The following TIAM1 variants were observed in gnomAD, a reference collection of about 807,000 sequenced individuals.
The protein encoded by TIAM1 is TIAM Rac1 associated GEF 1, also known as rho guanine nucleotide exchange factor TIAM1.
A neutral mutation model predicts 163.5 loss-of-function variants in TIAM1; 65 were observed. That is an observed-to-expected ratio of 0.40 (90% CI 0.33 to 0.49). The LOEUF (loss-of-function observed/expected upper bound fraction) is 0.49. Ranked by LOEUF, TIAM1 falls within the 20% of genes least tolerant of loss-of-function variation. TIAM1 has a pLI of 0.77. For missense variants in TIAM1, 1,789 were observed against 2,044.7 expected, an observed-to-expected ratio of 0.87 and a Z score of 2.41; for synonymous variants, 833 against 810.1, an observed-to-expected ratio of 1.03 and a Z score of -0.48.
chr21:31,502,541 C>T (rs998152222), intron 1 of TIAM1, among the ~76,000 whole-genome samples: 2 of 152,026 alleles, frequency 1.3e-5, no homozygotes, highest in African/African-American at 4.8e-5. Context: ...TGGGTCAGCA[C>T]CAAGCATGAG....
chr21:31,398,992 A>T (rs1444051534), intron 2 of TIAM1, among the ~76,000 whole-genome samples: 3 of 152,214 alleles, frequency 2.0e-5, no homozygotes, highest in Admixed American at 6.5e-5. Context: ...CTTAGCCAAC[A>T]TGGAGAAACC....
intron 22 of TIAM1, among the ~76,000 whole-genome samples, chr21:31,137,390 T>C (rs908852342): frequency 2.0e-5 from 3 of 152,162 alleles, no homozygotes; most frequent in African/African-American, 7.2e-5. Context: ...TAAGCAGCCA[T>C]ATTATTTTGT....
At chr21:31,529,908 G>A (rs111775968) in intron 1 of TIAM1, among the ~76,000 whole-genome samples, 12 of 152,230 alleles carry the variant, frequency 7.9e-5, no homozygotes, top group African/African-American at 1.9e-4. Context: ...TCATCTCCGC[G>A]GAAGTGTCAT....
rs1228604729 is a variant in TIAM1, at chr21:31,266,190, C to T, written c.783G>A (p.Val261=). ...GGTTTGCAAGATTGGGAATATCAGA[C>T]ACCAAATTCCGACAGTAGCCTGCAA... The part of the protein sequence containing the change: ...SKFAGYCRNL[V]SDIPNLANHK... Residue 261 remains valine, a synonymous_variant, in exon 4 of 28, where the codon GTG becomes GTA. Coordinates refer to ENST00000541036, the MANE Select transcript of TIAM1 (RefSeq NM_001353694.2). 6.2e-7 allele frequency: 1 copy of T among 1,614,190 alleles called. No homozygotes were observed. Among genetic ancestry groups the T allele is most frequent in the East Asian group, 2.2e-5 (1 of 44,858 alleles).
chr21:31,160,012 T>C (rs1177371132), intron 16 of TIAM1, among the ~76,000 whole-genome samples: 1 of 152,124 alleles, frequency 6.6e-6, no homozygotes, highest in African/African-American at 2.4e-5. Context: ...AAGTTGAACA[T>C]CCTATTTCCA....
intron 15 of TIAM1, among the ~76,000 whole-genome samples, chr21:31,169,294 A>AAATAATAATAAT (rs146494866): frequency 2.2e-4 from 33 of 151,046 alleles, no homozygotes; most frequent in African/African-American, 7.7e-4. Context: ...ACTCCGTCTC[A>AAATAATAATAAT]AATAATAATA....
At chr21:31,506,725 C>G (rs1228842614) in intron 1 of TIAM1, among the ~76,000 whole-genome samples, 1 of 152,154 alleles carries the variant, frequency 6.6e-6, no homozygotes, top group Non-Finnish European at 1.5e-5. Context: ...CAAGACCAGC[C>G]TGGGCAACAT....
At position 31,154,351 on chromosome 21, in the gene TIAM1, C is replaced by G; in HGVS notation, c.3067G>C (p.Asp1023His). Residue 1023 changes from aspartate to histidine, a missense_variant, in exon 17 of 28, where the codon GAC (aspartate) becomes CAC (histidine). Physicochemically the swap from Asp to His is moderately conservative, Grantham distance 81 (BLOSUM62 -1). Coordinates refer to ENST00000541036, the MANE Select transcript of TIAM1 (RefSeq NM_001353694.2). ...NPSDQSPSPQ[D>H]STGPQLATMR... ...GTCGCCAGCTGAGGCCCCGTGGAGTCCTGAGGAGATGGGCTCTGGTCAGAG... is the reference window on the plus strand; with the variant it reads ...GTCGCCAGCTGAGGCCCCGTGGAGTGCTGAGGAGATGGGCTCTGGTCAGAG... 6.2e-7 allele frequency: 1 copy of G among 1,614,148 alleles called. No homozygotes were observed. The highest frequency in any genetic ancestry group is 8.5e-7 in the Non-Finnish European group (1 of 1,180,028).
intron 13 of TIAM1, among the ~76,000 whole-genome samples, chr21:31,192,602 C>T (rs1342731052): frequency 6.6e-6 from 1 of 150,904 alleles, no homozygotes; most frequent in Non-Finnish European, 1.5e-5. Context: ...CAGAGGGAAA[C>T]TGTGTCTTAA....
rs139823875 is a variant in TIAM1 at position 31,410,046 on chromosome 21, C to A, written c.-369+53937G>T. Among the ~76,000 whole-genome samples, 342 of 152,114 alleles carry A rather than the reference C, an allele frequency of 2.2e-3. 1 individual carries two copies. The highest frequency in any genetic ancestry group is 0.01 in the Middle Eastern group (3 of 294). On this transcript the variant is annotated intron_variant, in intron 2 of 28. Transcript: ENST00000286827. Reference sequence around the variant, plus strand: ...ATCCTGTCCTGGGAACTGACTGAAGCAGTTATTAAAGTCAATGGAGGCAGC... The same window carrying A: ...ATCCTGTCCTGGGAACTGACTGAAGAAGTTATTAAAGTCAATGGAGGCAGC...
chr21:31,245,643 A>G lies in TIAM1; in HGVS notation c.1429T>C (p.Tyr477His). 6.3e-7 allele frequency: 1 copy of G among 1,581,654 alleles called. No homozygotes were observed. The highest frequency in any genetic ancestry group is 1.8e-5 in the Admixed American group (1 of 55,452). The change falls in exon 6 of 28, where the codon TAC becomes CAC. Residue 477 changes from tyrosine to histidine, a missense_variant. Physicochemically the swap from Tyr to His is moderately conservative, Grantham distance 83. Coordinates refer to ENST00000541036, the MANE Select transcript of TIAM1 (RefSeq NM_001353694.2). The stretch of plus-strand genomic sequence containing the variant: ...ATCCCAGACCTGCCGTCGCTCTCGT[A>G]GAAAAATAGCGTGCATCCTGAGGAA... ...VSLKGCTLFF[Y>H]ESDGRSGIDH...
chr21:31,463,361 T>C (rs2045403745), intron 2 of TIAM1, among the ~76,000 whole-genome samples: 1 of 152,090 alleles, frequency 6.6e-6, no homozygotes, highest in Non-Finnish European at 1.5e-5. Flanking sequence ...GCAAACCCTG[T>C]CAATTCAACC....
At chr21:31,137,272 A>G (rs893068512) in intron 22 of TIAM1, among the ~76,000 whole-genome samples, 1 of 152,278 alleles carries the variant, frequency 6.6e-6, no homozygotes, top group Non-Finnish European at 1.5e-5. Flanking sequence ...CCAGCAGTAC[A>G]GGATACAGAG....
intron 12 of TIAM1, among the ~76,000 whole-genome samples, chr21:31,198,757 A>G (rs1304558835): frequency 6.6e-6 from 1 of 152,174 alleles, no homozygotes; most frequent in Non-Finnish European, 1.5e-5. Flanking sequence ...AATCTTTCCT[A>G]TATTTTCATA....
At chr21:31,339,494 A>T (rs527702530) in intron 1 of TIAM1, 72 bp from the exon 2 acceptor site, 2 of 398,352 alleles carry the variant, frequency 5.0e-6, no homozygotes, top group African/African-American at 4.1e-5. Context: ...TTGCAAGATT[A>T]TCCTCAGAAA....
intron 20 of TIAM1, among the ~76,000 whole-genome samples, chr21:31,144,961 TTAATC>T (rs2083043549): frequency 6.6e-6 from 1 of 152,046 alleles, no homozygotes; most frequent in Non-Finnish European, 1.5e-5. Context: ...GGGGCAGAAT[TTAATC>T]TAATTGAGTG....
At chr21:31,174,177 A>G (rs969502838) in intron 15 of TIAM1, among the ~76,000 whole-genome samples, 1 of 152,188 alleles carries the variant, frequency 6.6e-6, no homozygotes, top group East Asian at 1.9e-4. Flanking sequence ...TTCGGTTTTC[A>G]GAATCGAGCT....
intron 1 of TIAM1, among the ~76,000 whole-genome samples, chr21:31,532,979 G>A (rs945218793): frequency 3.9e-5 from 6 of 152,180 alleles, no homozygotes; most frequent in Admixed American, 2.6e-4. Context: ...ATCCCAGCAA[G>A]ATAGGTGGAC....
chr21:31,360,463 C>T (rs1017625348), intron 2 of TIAM1, among the ~76,000 whole-genome samples: 3 of 151,178 alleles, frequency 2.0e-5, no homozygotes, highest in Non-Finnish European at 4.4e-5. Context: ...TTATATTAGA[C>T]TTTGCAATCC....
Sources: gnomAD v4.1 joint callset for allele counts (sites outside exome capture counted in the v4.1 genomes callset) on GRCh38, gnomAD v4.1.1 for gene constraint, MANE v1.5 for transcripts, NCBI Gene and HGNC (gene_info 2026-07-23, HGNC 2026-07-21) for gene names.